Variants in KIAA1217 observed in about 807,000 individuals in gnomAD.
KIAA1217 encodes the protein KIAA1217.
KIAA1217 carries 88 observed loss-of-function variants against 163.9 expected under a neutral mutation model. The observed-to-expected ratio is 0.54, with a 90% CI of 0.45 to 0.64. The LOEUF (loss-of-function observed/expected upper bound fraction) is 0.64. Among genes scored for constraint, KIAA1217 ranks in the 30% least tolerant of loss-of-function variants. The probability of loss-of-function intolerance (pLI) is 0.00; values close to 1 mark genes in which losing one functional copy is unlikely to be tolerated. For synonymous variants in KIAA1217, 903 were observed against 923.1 expected, an observed-to-expected ratio of 0.98 and a Z score of 0.39; for missense variants, 2,372 against 2,475.0, an observed-to-expected ratio of 0.96 and a Z score of 0.88.
chr10:24,298,101 C>T (rs2040835893), intron 2 of KIAA1217, among the ~76,000 whole-genome samples: 1 of 152,080 alleles, frequency 6.6e-6, no homozygotes, highest in Non-Finnish European at 1.5e-5. Flanking sequence ...TTCAGGAATG[C>T]AATTACCATT....
At chr10:23,773,281 G>T (rs373253401) in intron 1 of KIAA1217, among the ~76,000 whole-genome samples, 2 of 151,778 alleles carry the variant, frequency 1.3e-5, no homozygotes, top group Non-Finnish European at 2.9e-5. Flanking sequence ...GTAGATATGC[G>T]GCGTTATTTC....
chr10:24,408,315 T>C (rs1331001658), intron 3 of KIAA1217, among the ~76,000 whole-genome samples: 1 of 152,154 alleles, frequency 6.6e-6, no homozygotes, highest in Non-Finnish European at 1.5e-5. Context: ...TCATGAGCTA[T>C]CAACCCACCC....
At chr10:23,735,407 T>A (rs1474520869) in intron 1 of KIAA1217, among the ~76,000 whole-genome samples, 2 of 152,104 alleles carry the variant, frequency 1.3e-5, no homozygotes, top group South Asian at 4.1e-4. Context: ...TCTCCAGCAG[T>A]GTATAAGAAT....
intron 2 of KIAA1217, among the ~76,000 whole-genome samples, chr10:24,331,873 C>G (rs1456454952): frequency 6.6e-6 from 1 of 152,190 alleles, no homozygotes; most frequent in African/African-American, 2.4e-5. Flanking sequence ...GATCTCAGCT[C>G]ACTGTAACCT....
intron 2 of KIAA1217, among the ~76,000 whole-genome samples, chr10:24,044,196 T>C (rs901121063): frequency 3.3e-5 from 5 of 152,148 alleles, no homozygotes; most frequent in African/African-American, 4.8e-5. Context: ...ATAGCACCAA[T>C]AGAAACCTTT....
chr10:24,189,177 C>T (rs1167197888), intron 2 of KIAA1217, among the ~76,000 whole-genome samples: 1 of 151,698 alleles, frequency 6.6e-6, no homozygotes, highest in African/African-American at 2.4e-5. Context: ...ATGATAGTAC[C>T]AGCCTTATCA....
chr10:24,025,255 G>A (rs1031494954), intron 2 of KIAA1217, among the ~76,000 whole-genome samples: 1 of 151,710 alleles, frequency 6.6e-6, no homozygotes. Context: ...CTATTCTAGT[G>A]TGATTTATTT....
intron 8 of KIAA1217, among the ~76,000 whole-genome samples, chr10:24,497,075 C>T (rs183624036): frequency 3.0e-4 from 45 of 152,286 alleles, no homozygotes; most frequent in East Asian, 1.9e-4. Flanking sequence ...ACAGGGGCTT[C>T]GTTGCCATAG....
chr10:24,315,275 C>A (rs943234461), intron 2 of KIAA1217, among the ~76,000 whole-genome samples: 6 of 152,070 alleles, frequency 3.9e-5, no homozygotes, highest in African/African-American at 1.4e-4. Context: ...GAACTGGGGG[C>A]CTAGAGTGAA....
chr10:23,962,302 G>A (rs944594168), intron 1 of KIAA1217, among the ~76,000 whole-genome samples: 1 of 152,152 alleles, frequency 6.6e-6, no homozygotes, highest in African/African-American at 2.4e-5. Flanking sequence ...TAAAATAGGG[G>A]TATATGAAGT....
intron 2 of KIAA1217, among the ~76,000 whole-genome samples, chr10:24,304,794 ATG>A (rs1185397492): frequency 6.6e-6 from 1 of 152,176 alleles, no homozygotes; most frequent in Admixed American, 6.5e-5. Context: ...GTGCAAAGCT[ATG>A]TAGCCTCTAC....
At chr10:23,862,461 C>A (rs1385498636) in intron 1 of KIAA1217, among the ~76,000 whole-genome samples, 2 of 152,096 alleles carry the variant, frequency 1.3e-5, no homozygotes, top group Admixed American at 1.3e-4. Context: ...CTCTTGTTGA[C>A]CAAACACATG....
At chr10:24,214,538 A>G (rs944295827) in intron 1 of KIAA1217, among the ~76,000 whole-genome samples, 1 of 152,166 alleles carries the variant, frequency 6.6e-6, no homozygotes, top group Non-Finnish European at 1.5e-5. Context: ...TCTGCCCACA[A>G]TACATTGACT....
rs144066117 is a variant in KIAA1217 at position 24,217,686 on chromosome 10, C to T, written c.71-1940C>T. The stretch of plus-strand genomic sequence containing the variant: ...AACTGGTTTATGCCTAGACTCTTAA[C>T]ACCTGTTGCTTTGCAAAACTAGTGT... On this transcript the variant is annotated intron_variant, in intron 1 of 20. Coordinates refer to ENST00000376454, the MANE Select transcript of KIAA1217 (RefSeq NM_019590.5). Among the ~76,000 whole-genome samples, 24 of 152,316 alleles carry T rather than the reference C, an allele frequency of 1.6e-4. No individual in the cohort carries two copies. In the East Asian group the frequency reaches 4.6e-3, roughly 29 times the overall value.
At chr10:24,135,004 T>A (rs1396514799) in intron 2 of KIAA1217, among the ~76,000 whole-genome samples, 1 of 152,206 alleles carries the variant, frequency 6.6e-6, no homozygotes, top group Non-Finnish European at 1.5e-5. Flanking sequence ...TACCCTCAGC[T>A]TGGAGTAAGT....
intron 4 of KIAA1217, among the ~76,000 whole-genome samples, chr10:24,434,423 G>A (rs2059862187): frequency 6.6e-6 from 1 of 152,028 alleles, no homozygotes; most frequent in African/African-American, 2.4e-5. Context: ...GTGCAGCCTC[G>A]ACCTTCTGGG....
intron 4 of KIAA1217, among the ~76,000 whole-genome samples, chr10:24,436,557 G>C (rs562523928): frequency 6.6e-6 from 1 of 151,402 alleles, no homozygotes; most frequent in African/African-American, 2.4e-5. Flanking sequence ...AGGAGATCGA[G>C]ACCATCCTGG....
At chr10:23,720,417 A>G (rs1468331816) in intron 1 of KIAA1217, among the ~76,000 whole-genome samples, 1 of 152,216 alleles carries the variant, frequency 6.6e-6, no homozygotes, top group Non-Finnish European at 1.5e-5. Flanking sequence ...ATGTTGACTA[A>G]TAAAACTGAT....
chr10:24,457,943 T>C (rs1348704910), intron 5 of KIAA1217, among the ~76,000 whole-genome samples: 1 of 152,166 alleles, frequency 6.6e-6, no homozygotes, highest in Non-Finnish European at 1.5e-5. Context: ...GACTTAAACA[T>C]AGGGATACTC....
Sources: gnomAD v4.1 joint callset for allele counts (sites outside exome capture counted in the v4.1 genomes callset) on GRCh38, gnomAD v4.1.1 for gene constraint, MANE v1.5 for transcripts, NCBI Gene and HGNC (gene_info 2026-07-23, HGNC 2026-07-21) for gene names.